MALRD1: variants seen among roughly 807,000 people sequenced by gnomAD.
MALRD1 encodes the protein MAM and LDL-receptor class A domain-containing protein 1.
A neutral mutation model predicts 242.1 loss-of-function variants in MALRD1; 247 were observed. The observed-to-expected ratio is 1.02, with a 90% CI of 0.92 to 1.13. The LOEUF is 1.13. MALRD1 is among the 50% of genes most tolerant of loss of function. MALRD1 has a pLI of 0.00. For missense variants in MALRD1, 2,989 were observed against 2,533.1 expected, an observed-to-expected ratio of 1.18 and a Z score of -3.86; for synonymous variants, 995 against 866.6, an observed-to-expected ratio of 1.15 and a Z score of -2.60.
chr10:19,613,283 C>T (rs548126364), intron 35 of MALRD1, among the ~76,000 whole-genome samples: 140 of 152,122 alleles, frequency 9.2e-4, no homozygotes, highest in Non-Finnish European at 1.7e-3. Context: ...ATCTGAGGTT[C>T]AGACCTGCAA....
intron 25 of MALRD1, among the ~76,000 whole-genome samples, chr10:19,350,038 G>A (rs1289854923): frequency 6.6e-6 from 1 of 151,972 alleles, no homozygotes; most frequent in East Asian, 1.9e-4. Context: ...AAGCAAGTAA[G>A]GAAAGATTGT....
intron 23 of MALRD1, among the ~76,000 whole-genome samples, chr10:19,328,297 A>T (rs908494624): frequency 9.2e-5 from 14 of 152,016 alleles, no homozygotes; most frequent in African/African-American, 3.4e-4. Context: ...AGAAAGCAAG[A>T]CCTCCATTGG....
chr10:19,569,214 C>G lies in MALRD1; in HGVS notation c.5680+1511C>G, dbSNP rs372058283. Among the ~76,000 whole-genome samples, 10 of 152,072 alleles carry G rather than the reference C, an allele frequency of 6.6e-5. No individual in the cohort carries two copies. In the East Asian group the frequency reaches 9.7e-4, roughly 15 times the overall value. On this transcript the variant is annotated intron_variant, in intron 33 of 39. Coordinates refer to ENST00000454679, the MANE Select transcript of MALRD1 (RefSeq NM_001142308.3). ...TGCTGCTGGTCATGCTAATGGGGAC[C>G]ACTAAATATGCTGGTTTATCACCTT...
chr10:19,394,688 G>T (rs1338131589), intron 28 of MALRD1, among the ~76,000 whole-genome samples: 2 of 152,144 alleles, frequency 1.3e-5, no homozygotes, highest in Admixed American at 6.5e-5. Flanking sequence ...AACACAGATT[G>T]AGTATTCCTT....
At chr10:19,291,603 TGCTTCTAGAA>T (rs1380536235) in intron 21 of MALRD1, 1 of 152,044 alleles carries the variant, frequency 6.6e-6, no homozygotes, top group Non-Finnish European at 1.5e-5. Flanking sequence ...AAATTCTAGA[TGCTTCTAGAA>T]TCTCACTGTT....
intron 26 of MALRD1, among the ~76,000 whole-genome samples, chr10:19,357,867 A>C (rs1373925058): frequency 6.6e-6 from 1 of 152,240 alleles, no homozygotes; most frequent in Admixed American, 6.5e-5. Context: ...GAGGGGAAAA[A>C]TGTATATATT....
intron 10 of MALRD1, among the ~76,000 whole-genome samples, chr10:19,144,525 A>G (rs1297770125): frequency 1.3e-5 from 2 of 152,222 alleles, no homozygotes; most frequent in East Asian, 1.9e-4. Context: ...AGGTGTCCCT[A>G]TTACAGAGAC....
intron 36 of MALRD1, 45 bp downstream of exon 36, chr10:19,615,968 T>G (rs2131611160): frequency 7.1e-7 from 1 of 1,416,282 alleles, no homozygotes; most frequent in African/African-American, 1.4e-5. Flanking sequence ...TTTTTGGAGT[T>G]GGCTTACTTA....
At chr10:19,087,475 T>C (rs1366941216) in intron 2 of MALRD1, among the ~76,000 whole-genome samples, 1 of 151,754 alleles carries the variant, frequency 6.6e-6, no homozygotes, top group Non-Finnish European at 1.5e-5. Flanking sequence ...AGTGAGGATG[T>C]GGGCCTGAAT....
At chr10:19,277,950 T>TC (rs1840615529) in intron 19 of MALRD1, among the ~76,000 whole-genome samples, 1 of 152,210 alleles carries the variant, frequency 6.6e-6, no homozygotes, top group South Asian at 2.1e-4. Context: ...TTATTTTTTT[T>TC]CCAATGTTAG....
At chr10:19,275,461 G>A (rs893186766) in intron 19 of MALRD1, among the ~76,000 whole-genome samples, 1 of 152,138 alleles carries the variant, frequency 6.6e-6, no homozygotes, top group Non-Finnish European at 1.5e-5. Flanking sequence ...GAGGTCAGGA[G>A]ATCAAGACCA....
In MALRD1 at chr10:19,511,334, C is replaced by G. The variant is rs115271025; in HGVS notation, c.5320+12688C>G. Among the ~76,000 whole-genome samples the G allele has an allele frequency of 3.7e-3, 558 of 152,108 alleles. 2 individuals carry two copies. Among genetic ancestry groups the G allele is most frequent in the African/African-American group, 0.013 (523 of 41,488 alleles). On this transcript the variant is annotated intron_variant, in intron 31 of 39. Coordinates refer to ENST00000454679, the MANE Select transcript of MALRD1 (RefSeq NM_001142308.3). ...ACACGGCTGATCTTTAAATTCTCTA[C>G]AAATAAAAATATATCTTCAAGAGCC...
intron 14 of MALRD1, among the ~76,000 whole-genome samples, chr10:19,179,988 A>G (rs1353462211): frequency 6.6e-6 from 1 of 152,218 alleles, no homozygotes. Context: ...AGAAGAAGAA[A>G]AAAAAAGAAG....
chr10:19,268,018 C>A (rs2131838540), intron 19 of MALRD1, among the ~76,000 whole-genome samples: 1 of 152,124 alleles, frequency 6.6e-6, no homozygotes, highest in African/African-American at 2.4e-5. Context: ...AAAGTTAAAA[C>A]TTTTACATTG....
chr10:19,106,070 A>C (rs1836451605), intron 5 of MALRD1, among the ~76,000 whole-genome samples: 1 of 151,802 alleles, frequency 6.6e-6, no homozygotes, highest in Non-Finnish European at 1.5e-5. Context: ...TTATTCTATG[A>C]GTGAAATATT....
chr10:19,244,292 G>T (rs1474019014), intron 18 of MALRD1, among the ~76,000 whole-genome samples: 1 of 152,114 alleles, frequency 6.6e-6, no homozygotes, highest in African/African-American at 2.4e-5. Flanking sequence ...AAGTTTAGTT[G>T]CTGGGCGTAG....
At chr10:19,530,104 TAA>T (rs887832444) in intron 31 of MALRD1, among the ~76,000 whole-genome samples, 1 of 151,382 alleles carries the variant, frequency 6.6e-6, no homozygotes, top group African/African-American at 2.4e-5. Flanking sequence ...ATTTAATTAA[TAA>T]GAGTGTGTCA....
chr10:19,366,380 G>A (rs1002129164), intron 26 of MALRD1, among the ~76,000 whole-genome samples: 11 of 152,016 alleles, frequency 7.2e-5, no homozygotes, highest in African/African-American at 1.7e-4. Context: ...GACAGGAGGC[G>A]GAGCTCAGGT....
chr10:19,575,040 C>T (rs373253848), intron 33 of MALRD1, among the ~76,000 whole-genome samples: 3 of 152,260 alleles, frequency 2.0e-5, no homozygotes, highest in African/African-American at 7.2e-5. Flanking sequence ...CTACAGCTCT[C>T]AAGGAGTTTA....
Sources: gnomAD v4.1 joint callset for allele counts (sites outside exome capture counted in the v4.1 genomes callset) on GRCh38, gnomAD v4.1.1 for gene constraint, MANE v1.5 for transcripts, NCBI Gene and HGNC (gene_info 2026-07-23, HGNC 2026-07-21) for gene names.